Variants in C11orf65 observed in about 807,000 individuals in gnomAD.
The protein encoded by C11orf65 is chromosome 11 open reading frame 65.
A neutral mutation model predicts 35.3 loss-of-function variants in C11orf65; 38 were observed. That is an observed-to-expected ratio of 1.08 (90% CI 0.83 to 1.41). The LOEUF (loss-of-function observed/expected upper bound fraction) is 1.41. Ranked by LOEUF, C11orf65 falls within the 40% of genes most tolerant of loss-of-function variation. C11orf65 has a pLI of 0.00. For missense variants in C11orf65, 370 were observed against 367.1 expected (o/e 1.01, Z -0.06); for synonymous variants, 105 against 114.4 (o/e 0.92, Z 0.53).
chr11:108,412,563 G>A (rs1343866185), intron 3 of C11orf65, among the ~76,000 whole-genome samples: 1 of 152,092 alleles, frequency 6.6e-6, no homozygotes, highest in African/African-American at 2.4e-5. Flanking sequence ...GTTAGACTCT[G>A]ACTCCACGCA....
intron 3 of C11orf65, among the ~76,000 whole-genome samples, chr11:108,408,935 C>T (rs947471452): frequency 1.3e-5 from 2 of 151,880 alleles, no homozygotes; most frequent in East Asian, 3.9e-4. Context: ...GAATAATCTT[C>T]TCTTGACTAA....
intron 3 of C11orf65, among the ~76,000 whole-genome samples, chr11:108,431,150 C>T (rs1382769501): frequency 6.6e-6 from 1 of 151,704 alleles, no homozygotes; most frequent in Admixed American, 6.6e-5. Context: ...TGTTGCTCAC[C>T]AATTCCATTT....
At chr11:108,316,430 A>G (rs2084656929) in intron 6 of C11orf65, among the ~76,000 whole-genome samples, 1 of 152,182 alleles carries the variant, frequency 6.6e-6, no homozygotes, top group Non-Finnish European at 1.5e-5. Context: ...CAGGTAGTGT[A>G]CTTACTGCTT....
intron 1 of C11orf65, among the ~76,000 whole-genome samples, chr11:108,465,529 A>T (rs564759942): frequency 3.9e-5 from 6 of 152,234 alleles, no homozygotes; most frequent in Non-Finnish European, 8.8e-5. Context: ...TAGTGACTGT[A>T]CAGGCACTGC....
At chr11:108,415,119 C>T (rs2092711493) in intron 3 of C11orf65, among the ~76,000 whole-genome samples, 1 of 152,022 alleles carries the variant, frequency 6.6e-6, no homozygotes, top group South Asian at 2.1e-4. Flanking sequence ...TGTCCCCTCA[C>T]CTTTTCTATT....
intron 2 of C11orf65, among the ~76,000 whole-genome samples, chr11:108,448,274 A>T (rs996987713): frequency 4.6e-5 from 7 of 152,184 alleles, no homozygotes; most frequent in Non-Finnish European, 1.0e-4. Context: ...ATCCTCCCTA[A>T]CTCTTTTTAT....
intron 3 of C11orf65, among the ~76,000 whole-genome samples, chr11:108,416,236 C>T (rs1252522933): frequency 1.3e-5 from 2 of 152,148 alleles, no homozygotes; most frequent in Non-Finnish European, 2.9e-5. Flanking sequence ...ACAAAGAACT[C>T]TTTAACCTTC....
intron 2 of C11orf65, among the ~76,000 whole-genome samples, chr11:108,444,139 T>C (rs2093210442): frequency 6.6e-6 from 1 of 151,876 alleles, no homozygotes; most frequent in Admixed American, 6.6e-5. Context: ...AAAGGGGATA[T>C]CACCACCGAT....
chr11:108,393,174 C>T, intron 7 of C11orf65, 34 bp downstream of exon 7: 1 of 1,580,938 alleles, frequency 6.3e-7, no homozygotes, highest in Non-Finnish European at 8.6e-7. Flanking sequence ...ATGATGACTG[C>T]CCTTGTTCCC....
At chr11:108,398,689 T>C (rs1201431396) in intron 6 of C11orf65, among the ~76,000 whole-genome samples, 1 of 152,236 alleles carries the variant, frequency 6.6e-6, no homozygotes, top group Non-Finnish European at 1.5e-5. Context: ...CAAAGCCAGC[T>C]GTTTCTAGGT....
chr11:108,311,918 CCTGA>C (rs1299998733), intron 6 of C11orf65, among the ~76,000 whole-genome samples: 8 of 152,140 alleles, frequency 5.3e-5, no homozygotes, highest in African/African-American at 1.9e-4. Context: ...GAGTTCTAAT[CCTGA>C]CTGTCAAACT....
At chr11:108,386,950 G>T (rs937862378) in intron 7 of C11orf65, among the ~76,000 whole-genome samples, 2 of 151,906 alleles carry the variant, frequency 1.3e-5, no homozygotes, top group Admixed American at 1.3e-4. Context: ...GTGTGGTGAT[G>T]CATGCCTGTA....
At chr11:108,419,247 TA>T (rs1295711101) in intron 3 of C11orf65, among the ~76,000 whole-genome samples, 2 of 152,236 alleles carry the variant, frequency 1.3e-5, no homozygotes, top group Admixed American at 6.5e-5. Context: ...AATTCAGTGA[TA>T]TTTTAAAGGG....
At chr11:108,355,148 A>G (rs1465152052) in intron 2 of C11orf65, 4 of 449,800 alleles carry the variant, frequency 8.9e-6, no homozygotes, top group Admixed American at 7.1e-5. Context: ...TGACATTTAG[A>G]TATTCCATAT....
intron 3 of C11orf65, among the ~76,000 whole-genome samples, chr11:108,427,705 G>T: frequency 1.4e-5 from 1 of 72,888 alleles, no homozygotes; most frequent in African/African-American, 5.7e-5. Context: ...CTGGGCGACA[G>T]AGCGAAACTC....
intron 8 of C11orf65, among the ~76,000 whole-genome samples, chr11:108,383,435 A>C (rs2091910350): frequency 6.6e-6 from 1 of 152,220 alleles, no homozygotes; most frequent in Non-Finnish European, 1.5e-5. Context: ...AATTTGGGAC[A>C]AATTATTTAA....
intron 6 of C11orf65, among the ~76,000 whole-genome samples, chr11:108,311,877 A>G (rs778117207): frequency 2.0e-5 from 3 of 152,188 alleles, no homozygotes; most frequent in Non-Finnish European, 4.4e-5. Context: ...TATAAAATGC[A>G]TAAAGTTAAG....
At chr11:108,369,217 C>T (rs1379238973) in intron 2 of C11orf65, 1 of 154,268 alleles carries the variant, frequency 6.5e-6, no homozygotes, top group Non-Finnish European at 1.4e-5. Flanking sequence ...ATATAAAGCT[C>T]CCAATCTGAG....
At chr11:108,373,189 G>T (rs1387649560) in intron 2 of C11orf65, among the ~76,000 whole-genome samples, 1 of 152,138 alleles carries the variant, frequency 6.6e-6, no homozygotes. Flanking sequence ...ATAAGAAAGA[G>T]GTAAATCATG....
Sources: gnomAD v4.1 joint callset for allele counts (sites outside exome capture counted in the v4.1 genomes callset) on GRCh38, gnomAD v4.1.1 for gene constraint, MANE v1.5 for transcripts, NCBI Gene and HGNC (gene_info 2026-07-23, HGNC 2026-07-21) for gene names.